The following GMEB2 variants were observed in gnomAD, a reference collection of about 807,000 sequenced individuals.
GMEB2 encodes glucocorticoid modulatory element-binding protein 2.
In GMEB2, 7 loss-of-function variants were observed where a neutral mutation model predicts 45.7. That is an observed-to-expected ratio of 0.15 (90% CI 0.09 to 0.29). The LOEUF (loss-of-function observed/expected upper bound fraction) is 0.29. Among genes scored for constraint, GMEB2 ranks in the 10% least tolerant of loss-of-function variants. GMEB2 has a pLI of 1.00. For synonymous variants in GMEB2, 322 were observed against 323.6 expected (o/e 1.00, Z 0.05); for missense variants, 582 against 739.2 (o/e 0.79, Z 2.47).
In GMEB2 at chr20:63,589,054, G is replaced by A. The variant is rs910253820; in HGVS notation, c.*1035C>T. ...GGGCCAGCCCAGGGGCTGCATGGGG[G>A]CCGGGGGCCAGGGAGCCAAGGGCTG... On this transcript the variant is annotated 3_prime_UTR_variant, in exon 10 of 10. Coordinates refer to ENST00000370077, the MANE Select transcript of GMEB2 (RefSeq NM_012384.5). The A allele has an allele frequency of 5.0e-6, 2 of 398,946 alleles. No homozygotes were observed. The highest frequency in any genetic ancestry group is 4.1e-5 in the African/African-American group (2 of 48,660). 24.7% of individuals were successfully genotyped at this position (398,946 alleles called of 1,614,324 possible).
At chr20:63,599,167 G>C (rs147589008) in intron 4 of GMEB2, among the ~76,000 whole-genome samples, 2 of 151,084 alleles carry the variant, frequency 1.3e-5, no homozygotes, top group Admixed American at 6.6e-5. Flanking sequence ...ACCCTCCAGC[G>C]CTAACGCGGC....
At position 63,589,194 on chromosome 20, in the gene GMEB2, T is replaced by C. The variant is rs2083120546; in HGVS notation, c.*895A>G. The C allele has an allele frequency of 5.0e-6, 2 of 399,182 alleles. No homozygotes were observed. The highest frequency in any genetic ancestry group is 8.8e-6 in the Non-Finnish European group (2 of 226,110). The allele number at this position is 399,182 out of a possible 1,614,324, so 24.7% of individuals were successfully genotyped here. On this transcript the variant is annotated 3_prime_UTR_variant, in exon 10 of 10. Transcript: ENST00000370077. ...ACTGAAGCCCTAGGGACACACCTCA[T>C]GGATCTCAGACCCCTGGGAGGGGCC...
chr20:63,599,783 A>AGG lies in GMEB2; in HGVS notation c.358-1924_358-1923insCC, dbSNP rs1228574721. Among the ~76,000 whole-genome samples the AGG allele has an allele frequency of 1.4e-4, 21 of 152,284 alleles. 2 individuals are homozygous for AGG. The South Asian group carries it at 2.7e-3, about 20-fold the overall frequency. On this transcript the variant is annotated intron_variant, in intron 4 of 9. Transcript: ENST00000370077. ...CCAGGATAGTCCAGGGAGCTCTCAC[A>AGG]CGTGCGTTCCGGACTCACTGCCTGC...
chr20:63,616,110 T>C (rs1417008554), intron 2 of GMEB2, among the ~76,000 whole-genome samples: 3 of 152,224 alleles, frequency 2.0e-5, no homozygotes, highest in Non-Finnish European at 1.5e-5. Flanking sequence ...TTTAATTTTT[T>C]AAAGGCTGTA....
At chr20:63,601,237 C>G (rs1357921813) in intron 4 of GMEB2, among the ~76,000 whole-genome samples, 1 of 152,126 alleles carries the variant, frequency 6.6e-6, no homozygotes, top group African/African-American at 2.4e-5. Context: ...TAAAAGCCAC[C>G]CTACATGCAG....
intron 2 of GMEB2, among the ~76,000 whole-genome samples, chr20:63,614,521 G>A (rs1185728688): frequency 3.3e-5 from 5 of 152,202 alleles, no homozygotes; most frequent in Non-Finnish European, 7.3e-5. Flanking sequence ...AGGAAAGAGA[G>A]TCTCCCTTTC....
chr20:63,593,501 A>AC lies in GMEB2; in HGVS notation c.620-420dup, dbSNP rs2083168540. Among the ~76,000 whole-genome samples, 1 of 151,124 alleles carries AC rather than the reference A, an allele frequency of 6.6e-6. No individual in the cohort carries two copies. The highest frequency in any genetic ancestry group is 2.4e-5 in the African/African-American group (1 of 40,990). ...TCTGTCGCCCGTGGGGCTCGCCCTCACCTCGCCTCTTCAAGTGATGCTTCA... is the reference window on the plus strand; with the variant it reads ...TCTGTCGCCCGTGGGGCTCGCCCTCACCCTCGCCTCTTCAAGTGATGCTTCA... On this transcript the variant is annotated intron_variant, in intron 6 of 9. Transcript: ENST00000370077. This position sits in a 1 kb window ranked among gnomAD's most constrained non-coding sequence, Gnocchi z 4.7.
chr20:63,592,677 G>A lies in GMEB2; in HGVS notation c.692-7C>T, dbSNP rs181561777. 245 of 1,612,074 alleles carry A rather than the reference G, an allele frequency of 1.5e-4. No homozygotes were observed. The highest frequency in any genetic ancestry group is 1.3e-3 in the Middle Eastern group (8 of 6,038). ...CAGAAGGTAAATGTGTCATCTGTGA[G>A]GGAAGGAGTGGGTTCAGTGGGCAGG... On this transcript the variant is annotated splice_region_variant and splice_polypyrimidine_tract_variant and intron_variant, in intron 7 of 9. Coordinates refer to ENST00000370077, the MANE Select transcript of GMEB2 (RefSeq NM_012384.5). This position sits in a 1 kb window ranked among gnomAD's most constrained non-coding sequence, Gnocchi z 8.2.
At chr20:63,609,353 A>C (rs76488584) in intron 2 of GMEB2, among the ~76,000 whole-genome samples, 11 of 85,272 alleles carry the variant, frequency 1.3e-4, no homozygotes, top group South Asian at 1.1e-3. Flanking sequence ...GACCCCACAC[A>C]TCCATTTCTA....
intron 1 of GMEB2, among the ~76,000 whole-genome samples, chr20:63,624,306 G>A (rs925172900): frequency 1.3e-5 from 2 of 151,190 alleles, no homozygotes; most frequent in African/African-American, 4.9e-5. Context: ...GCGGGTGCCT[G>A]TAATCCCACC....
Position 63,590,454 on chromosome 20 carries a change from G to A in GMEB2, c.1228C>T (p.Leu410=), listed in dbSNP as rs1396095229. 1.3e-6 allele frequency: 2 copies of A among 1,522,808 alleles called. No homozygotes were observed. Among genetic ancestry groups the A allele is most frequent in the Non-Finnish European group, 1.8e-6 (2 of 1,129,120 alleles). The allele number at this position is 1,522,808 out of a possible 1,614,324, so 94.3% of individuals were successfully genotyped here. A position where few individuals can be genotyped will look rare whatever the true frequency, so the allele number is the denominator to read the frequency against. The change falls in exon 10 of 10, where the codon CTG becomes TTG. Residue 410 remains leucine, a synonymous_variant. Coordinates refer to ENST00000370077, the MANE Select transcript of GMEB2 (RefSeq NM_012384.5). ...KVVSTLPSTV[L]GKGSLQAPPA... is the part of the protein sequence containing the mutation. ...GGCGCCTGAAGGGAACCCTTGCCCA[G>A]GACGGTGGACGGCAGGGTGGACACC...
At chr20:63,603,335 G>A (rs13043510) in intron 3 of GMEB2, among the ~76,000 whole-genome samples, 1,841 of 152,300 alleles carry the variant, frequency 0.012, 18 homozygotes, top group Non-Finnish European at 0.019. Flanking sequence ...TTAAACTATG[G>A]TTCAACTGAA....
At chr20:63,616,785 G>A (rs1057162721) in intron 2 of GMEB2, among the ~76,000 whole-genome samples, 1 of 152,226 alleles carries the variant, frequency 6.6e-6, no homozygotes, top group East Asian at 1.9e-4. Flanking sequence ...CCTGAGAGGT[G>A]GAGGCAGGCC....
At position 63,587,825 on chromosome 20, in the gene GMEB2, T is replaced by C. The variant is rs1326226406; in HGVS notation, c.*2264A>G. 6.6e-6 allele frequency: 1 copy of C among 152,404 alleles called. No homozygotes were observed. Among genetic ancestry groups the C allele is most frequent in the Non-Finnish European group, 1.5e-5 (1 of 68,066 alleles). The allele number at this position is 152,404 out of a possible 1,614,324, so 9.4% of individuals were successfully genotyped here. On this transcript the variant is annotated 3_prime_UTR_variant, in exon 10 of 10. Transcript: ENST00000370077. ...CTGTACGTGGTTGAGAAGGTCCTCC[T>C]CTCTGAGTACTGGCTGGCCCCAAGG...
At position 63,605,630 on chromosome 20, in the gene GMEB2, C is replaced by T. The variant is rs116319100; in HGVS notation, c.132-790G>A. On this transcript the variant is annotated intron_variant, in intron 2 of 9. Transcript: ENST00000370077. ...ACATTTTCTGTTTGGTTCATGGTGGCGAGCACCCAGAACGGCACCCAGCAG... is the reference window on the plus strand; with the variant it reads ...ACATTTTCTGTTTGGTTCATGGTGGTGAGCACCCAGAACGGCACCCAGCAG... 4.0e-3 allele frequency among the ~76,000 whole-genome samples: 602 copies of T among 151,728 alleles called. 2 individuals are homozygous for T. Among genetic ancestry groups the T allele is most frequent in the African/African-American group, 0.014 (569 of 41,362 alleles).
At chr20:63,601,126 C>G (rs555077732) in intron 4 of GMEB2, among the ~76,000 whole-genome samples, 2 of 152,192 alleles carry the variant, frequency 1.3e-5, no homozygotes, top group Non-Finnish European at 2.9e-5. Flanking sequence ...ATTTATTTAA[C>G]ATAAATAAAT....
intron 1 of GMEB2, among the ~76,000 whole-genome samples, chr20:63,622,055 G>C (rs2089645125): frequency 6.6e-6 from 1 of 152,100 alleles, no homozygotes; most frequent in Non-Finnish European, 1.5e-5. Context: ...CTTAAGCCCA[G>C]GAGGTCAAGG....
intron 9 of GMEB2, among the ~76,000 whole-genome samples, chr20:63,590,961 G>C (rs2083141674): frequency 6.6e-6 from 1 of 152,158 alleles, no homozygotes; most frequent in African/African-American, 2.4e-5. Context: ...TGCTGACCCA[G>C]GGTCTGCACT....
At position 63,592,429 on chromosome 20, in the gene GMEB2, C is replaced by T. The variant is rs2083155037; in HGVS notation, c.829+104G>A. 1.1e-6 allele frequency: 1 copy of T among 881,130 alleles called. No homozygotes were observed. Among genetic ancestry groups the T allele is most frequent in the Non-Finnish European group, 1.7e-6 (1 of 573,802 alleles). The allele number at this position is 881,130 out of a possible 1,614,324, so 54.6% of individuals were successfully genotyped here. On this transcript the variant is annotated intron_variant, in intron 8 of 9. Transcript: ENST00000370077. The surrounding 1 kb of genome is among the most constrained non-coding windows in gnomAD (Gnocchi z 8.2). ...TCCCAAGCCTAGATTCAGCCTCCAA[C>T]CCAGCAGCACAGAAGGGCCTAGGGG...
Sources: gnomAD v4.1 joint callset for allele counts (sites outside exome capture counted in the v4.1 genomes callset) on GRCh38, gnomAD v4.1.1 for gene constraint, Gnocchi (gnomAD v3.1) non-coding constraint, MANE v1.5 for transcripts, NCBI Gene and HGNC (gene_info 2026-07-23, HGNC 2026-07-21) for gene names.